The following QTMAN variants were observed in gnomAD, a reference collection of about 807,000 sequenced individuals.
The protein encoded by QTMAN is tRNA-queuosine alpha-mannosyltransferase.
chr2:144,048,731 C>T, the QTMAN span, among the ~76,000 whole-genome samples: 2 of 152,108 alleles, frequency 1.3e-5, no homozygotes, highest in Non-Finnish European at 2.9e-5. Flanking sequence ...GAACTCCCTT[C>T]ATCTACTCCC....
the QTMAN span, among the ~76,000 whole-genome samples, chr2:144,186,630 T>A: frequency 6.6e-6 from 1 of 152,226 alleles, no homozygotes; most frequent in African/African-American, 2.4e-5. Flanking sequence ...AGAATCTGCT[T>A]GATGATTGAG....
the QTMAN span, among the ~76,000 whole-genome samples, chr2:144,140,383 C>A: frequency 2.0e-5 from 3 of 151,812 alleles, no homozygotes; most frequent in Non-Finnish European, 2.9e-5. Flanking sequence ...ACCATCTACT[C>A]ACTTAGAGAT....
At chr2:144,212,218 G>A in the QTMAN span, among the ~76,000 whole-genome samples, 46 of 152,096 alleles carry the variant, frequency 3.0e-4, no homozygotes, top group African/African-American at 9.9e-4. Flanking sequence ...ATCCCAGCAC[G>A]CTGGGAGGTT....
chr2:143,979,060 C>G, the QTMAN span, among the ~76,000 whole-genome samples: 2 of 152,158 alleles, frequency 1.3e-5, no homozygotes, highest in Non-Finnish European at 2.9e-5. Context: ...CTGCTTTACT[C>G]TGACAACCAG....
the QTMAN span, among the ~76,000 whole-genome samples, chr2:144,304,869 T>C: frequency 6.6e-6 from 1 of 152,242 alleles, no homozygotes; most frequent in East Asian, 1.9e-4. Context: ...TTCACAACAG[T>C]AAATGACACT....
the QTMAN span, among the ~76,000 whole-genome samples, chr2:144,126,510 A>T: frequency 6.6e-6 from 1 of 152,016 alleles, no homozygotes; most frequent in African/African-American, 2.4e-5. Flanking sequence ...CAATCACAGT[A>T]TGTATTTGAG....
the QTMAN span, among the ~76,000 whole-genome samples, chr2:144,054,760 C>T: frequency 1.3e-5 from 2 of 152,108 alleles, no homozygotes; most frequent in Admixed American, 6.5e-5. Context: ...AATCCCTGCC[C>T]GAGATGCCCT....
the QTMAN span, among the ~76,000 whole-genome samples, chr2:144,053,847 A>G: frequency 2.0e-5 from 3 of 152,110 alleles, no homozygotes; most frequent in Admixed American, 6.5e-5. Context: ...CAAACAAACA[A>G]TGTTAGGCAG....
chr2:144,304,295 T>C, the QTMAN span, among the ~76,000 whole-genome samples: 4 of 152,180 alleles, frequency 2.6e-5, no homozygotes, highest in East Asian at 7.7e-4. Context: ...TAAAGGATAC[T>C]CAAAACAATC....
chr2:144,265,523 C>CT, the QTMAN span, among the ~76,000 whole-genome samples: 1 of 152,002 alleles, frequency 6.6e-6, no homozygotes. Context: ...CGGTGAAACT[C>CT]TGTCTCTAAT....
chr2:144,086,500 C>T, the QTMAN span, among the ~76,000 whole-genome samples: 3 of 151,932 alleles, frequency 2.0e-5, no homozygotes, highest in Non-Finnish European at 4.4e-5. Flanking sequence ...TTGATATTTC[C>T]ATTTTACAGG....
chr2:144,089,854 T>G, the QTMAN span, among the ~76,000 whole-genome samples: 2 of 151,906 alleles, frequency 1.3e-5, no homozygotes, highest in East Asian at 3.9e-4. Flanking sequence ...ATTCAATGTT[T>G]GAAACCAGAG....
the QTMAN span, among the ~76,000 whole-genome samples, chr2:143,992,093 C>T: frequency 0.063 from 9,572 of 151,886 alleles, 389 homozygotes; most frequent in African/African-American, 0.11. Flanking sequence ...GAATAGAAAG[C>T]GGGGAAAGGT....
the QTMAN span, chr2:143,952,711 C>A: frequency 6.9e-6 from 8 of 1,152,370 alleles, no homozygotes; most frequent in Non-Finnish European, 1.0e-5. Context: ...TTCAAACTTT[C>A]TAATTTAGCA....
At chr2:144,294,365 C>G in the QTMAN span, 2 of 152,188 alleles carry the variant, frequency 1.3e-5, no homozygotes, top group Non-Finnish European at 2.9e-5. Flanking sequence ...CCTTTCCTAC[C>G]TGACCAGAGC....
At chr2:144,310,901 A>G in the QTMAN span, among the ~76,000 whole-genome samples, 1 of 152,236 alleles carries the variant, frequency 6.6e-6, no homozygotes, top group African/African-American at 2.4e-5. Context: ...TCAAAGAAAT[A>G]AAGATTTTTT....
chr2:144,176,519 A>G, the QTMAN span, among the ~76,000 whole-genome samples: 2 of 152,160 alleles, frequency 1.3e-5, no homozygotes, highest in African/African-American at 4.8e-5. Context: ...AAAAAAACCA[A>G]AGGTATAAAA....
At chr2:144,010,054 G>A in the QTMAN span, among the ~76,000 whole-genome samples, 1 of 141,016 alleles carries the variant, frequency 7.1e-6, no homozygotes, top group Non-Finnish European at 1.5e-5. Context: ...AGCTCATGAA[G>A]GATTCACCAA....
the QTMAN span, among the ~76,000 whole-genome samples, chr2:144,223,275 C>G: frequency 2.6e-5 from 4 of 151,658 alleles, no homozygotes; most frequent in African/African-American, 9.7e-5. Context: ...CAAAAAAAAA[C>G]TAATAAAATA....
Sources: allele counts gnomAD v4.1 joint callset (sites outside exome capture counted in the v4.1 genomes callset), GRCh38; gene constraint gnomAD v4.1.1; transcripts MANE v1.5; gene names NCBI Gene and HGNC (gene_info 2026-07-23, HGNC 2026-07-21).